The following PCCA variants were observed in gnomAD, a reference collection of about 807,000 sequenced individuals.
PCCA encodes propionyl-CoA carboxylase alpha chain, mitochondrial.
In PCCA, 74 loss-of-function variants were observed where a neutral mutation model predicts 101.3. The ratio of observed to expected loss-of-function variants is 0.73; its 90% CI spans 0.61 to 0.89. The LOEUF (loss-of-function observed/expected upper bound fraction) is 0.89, where lower values mean the gene tolerates loss of function less well. Ranked by LOEUF, PCCA falls within the 40% of genes least tolerant of loss-of-function variation. PCCA has a pLI of 0.00. For synonymous variants in PCCA, 294 were observed against 313.6 expected (o/e 0.94, Z 0.66); for missense variants, 891 against 907.0 (o/e 0.98, Z 0.23).
At chr13:100,248,988 A>C (rs2061606968) in intron 8 of PCCA, among the ~76,000 whole-genome samples, 1 of 151,978 alleles carries the variant, frequency 6.6e-6, no homozygotes, top group Non-Finnish European at 1.5e-5. Flanking sequence ...CCCTGACCTC[A>C]GGTGATCTGC....
chr13:100,282,240 T>G (rs1344015363), intron 12 of PCCA, among the ~76,000 whole-genome samples: 1 of 152,180 alleles, frequency 6.6e-6, no homozygotes, highest in African/African-American at 2.4e-5. Context: ...GGCAGGTGCT[T>G]TCTGAGCAAA....
intron 7 of PCCA, among the ~76,000 whole-genome samples, chr13:100,229,841 A>G (rs904517667): frequency 6.6e-5 from 10 of 152,142 alleles, no homozygotes; most frequent in Non-Finnish European, 1.3e-4. Context: ...AATTAAATTT[A>G]TGTTCCAGTG....
chr13:100,352,778 T>G (rs891144141), intron 18 of PCCA, among the ~76,000 whole-genome samples: 1 of 152,158 alleles, frequency 6.6e-6, no homozygotes, highest in African/African-American at 2.4e-5. Flanking sequence ...TATAGCTCAT[T>G]GCTGCCTCTA....
intron 1 of PCCA, among the ~76,000 whole-genome samples, chr13:100,093,708 G>A (rs1254465997): frequency 6.6e-6 from 1 of 152,090 alleles, no homozygotes; most frequent in African/African-American, 2.4e-5. Context: ...GAGCTCAGGA[G>A]TTTGAGACCA....
chr13:100,446,331 C>T (rs1279015571), intron 20 of PCCA, among the ~76,000 whole-genome samples: 1 of 151,228 alleles, frequency 6.6e-6, no homozygotes, highest in East Asian at 1.9e-4. Context: ...CACCCTGCCC[C>T]TGTTTGTTTT....
At chr13:100,091,904 G>T (rs528007064) in intron 1 of PCCA, among the ~76,000 whole-genome samples, 2 of 152,090 alleles carry the variant, frequency 1.3e-5, no homozygotes, top group African/African-American at 4.8e-5. Flanking sequence ...ACTCTTATAT[G>T]CCTTGCATGA....
rs868750629 is a variant in PCCA at position 100,278,566 on chromosome 13, G to A, written c.1065+5220G>A. ...GCGTGATCTCGGCCTGCAAACCTCC[G>A]CCTCCCGGGTTCAGGCAATTCTCCT... On this transcript the variant is annotated intron_variant, in intron 12 of 23. Coordinates refer to ENST00000376285, the MANE Select transcript of PCCA (RefSeq NM_000282.4). Among the ~76,000 whole-genome samples the A allele has an allele frequency of 2.7e-5, 4 of 150,464 alleles. 1 individual carries two copies. The highest frequency in any genetic ancestry group is 7.0e-3 in the Middle Eastern group (2 of 286).
At chr13:100,427,816 C>T (rs2079257412) in intron 20 of PCCA, among the ~76,000 whole-genome samples, 2 of 151,368 alleles carry the variant, frequency 1.3e-5, no homozygotes, top group Admixed American at 6.6e-5. Flanking sequence ...AGCATTATAT[C>T]GACTCTTTCC....
intron 19 of PCCA, among the ~76,000 whole-genome samples, chr13:100,420,310 C>T (rs757666818): frequency 3.3e-5 from 5 of 152,286 alleles, no homozygotes; most frequent in South Asian, 2.1e-4. Flanking sequence ...TGGTGGCTCA[C>T]GTCTGTAATC....
chr13:100,383,614 C>T (rs375130929), intron 19 of PCCA, among the ~76,000 whole-genome samples: 18 of 147,508 alleles, frequency 1.2e-4, no homozygotes, highest in Non-Finnish European at 1.3e-4. Context: ...GACCCCGTGT[C>T]GAAAAAAAAA....
At position 100,239,651 on chromosome 13, in the gene PCCA, CCA is replaced by C. The variant is rs536290229; in HGVS notation, c.637+3774_637+3775del. ...CAACAGTAATCAGTGAGCTTGATTT[CCA>C]TTGAAGTTTGATCTTTTTACTGGGC... is the stretch of plus-strand genomic sequence containing the variant. On this transcript the variant is annotated intron_variant, in intron 8 of 23. Coordinates refer to ENST00000376285, the MANE Select transcript of PCCA (RefSeq NM_000282.4). Among the ~76,000 whole-genome samples, 272 of 152,152 alleles carry C rather than the reference CCA, an allele frequency of 1.8e-3. 2 individuals carry two copies. Among genetic ancestry groups the C allele is most frequent in the African/African-American group, 6.3e-3 (260 of 41,534 alleles).
chr13:100,502,967 G>A (rs1335615169), intron 21 of PCCA, among the ~76,000 whole-genome samples: 1 of 152,166 alleles, frequency 6.6e-6, no homozygotes, highest in Non-Finnish European at 1.5e-5. Flanking sequence ...GCAGACCTAG[G>A]GCGTTAAAGC....
chr13:100,226,831 G>C (rs2060171077), intron 7 of PCCA, among the ~76,000 whole-genome samples: 1 of 152,118 alleles, frequency 6.6e-6, no homozygotes, highest in South Asian at 2.1e-4. Context: ...GCCAGGTGCT[G>C]TTCTAATGTG....
intron 6 of PCCA, among the ~76,000 whole-genome samples, chr13:100,189,616 T>A (rs1469076193): frequency 6.6e-6 from 1 of 152,234 alleles, no homozygotes; most frequent in Non-Finnish European, 1.5e-5. Context: ...ATCTTTTATC[T>A]TTGTTTTTGT....
At chr13:100,268,369 C>T (rs956613057) in intron 10 of PCCA, among the ~76,000 whole-genome samples, 2 of 152,160 alleles carry the variant, frequency 1.3e-5, no homozygotes, top group Admixed American at 1.3e-4. Flanking sequence ...CATTGACATC[C>T]AGTGTTTATC....
intron 2 of PCCA, among the ~76,000 whole-genome samples, chr13:100,109,467 A>G (rs2048109393): frequency 6.6e-6 from 1 of 152,198 alleles, no homozygotes. Context: ...ATTGCTTAAT[A>G]TGTAATTTCT....
At chr13:100,157,533 A>G (rs2054002713) in intron 6 of PCCA, among the ~76,000 whole-genome samples, 193 bp downstream of exon 6, 1 of 152,218 alleles carries the variant, frequency 6.6e-6, no homozygotes, top group South Asian at 2.1e-4. Context: ...TAAAAACAGA[A>G]AAGTTTACAA....
At chr13:100,403,965 A>G (rs1483424090) in intron 19 of PCCA, among the ~76,000 whole-genome samples, 1 of 152,186 alleles carries the variant, frequency 6.6e-6, no homozygotes, top group Non-Finnish European at 1.5e-5. Context: ...TCTAACTGCC[A>G]TTAGAATACG....
chr13:100,236,304 T>C (rs942892179), intron 8 of PCCA, among the ~76,000 whole-genome samples: 7 of 152,186 alleles, frequency 4.6e-5, no homozygotes, highest in African/African-American at 1.4e-4. Flanking sequence ...AACTTAATCT[T>C]GTTAGATGGG....
Sources: allele counts gnomAD v4.1 joint callset (sites outside exome capture counted in the v4.1 genomes callset), GRCh38; gene constraint gnomAD v4.1.1; transcripts MANE v1.5; gene names NCBI Gene and HGNC (gene_info 2026-07-23, HGNC 2026-07-21).